Variants in ERC1 observed in about 807,000 individuals in gnomAD.
ERC1 encodes the protein ELKS/RAB6-interacting/CAST family member 1, also known as RAB6 interacting protein 2.
In ERC1, 56 loss-of-function variants were observed where a neutral mutation model predicts 132.0. That is an observed-to-expected ratio of 0.42 (90% CI 0.34 to 0.53). The LOEUF is 0.53. Among genes scored for constraint, ERC1 ranks in the 20% least tolerant of loss-of-function variants. ERC1 has a pLI of 0.03. For synonymous variants in ERC1, 478 were observed against 476.1 expected, an observed-to-expected ratio of 1.00 and a Z score of -0.05; for missense variants, 1,202 against 1,349.9, an observed-to-expected ratio of 0.89 and a Z score of 1.72.
chr12:1,484,028 G>A (rs1487267390), intron 18 of ERC1, among the ~76,000 whole-genome samples: 15 of 151,058 alleles, frequency 9.9e-5, no homozygotes, highest in African/African-American at 2.7e-4. Flanking sequence ...TGTTCCAGCC[G>A]GGCGTGGTGG....
chr12:1,118,380 T>TA (rs2154212856), intron 7 of ERC1, among the ~76,000 whole-genome samples: 1 of 152,354 alleles, frequency 6.6e-6, no homozygotes, highest in East Asian at 1.9e-4. Context: ...ATATTCTTAT[T>TA]AGCCAGGTCT....
At chr12:1,276,917 C>T (rs1475294733) in intron 14 of ERC1, among the ~76,000 whole-genome samples, 5 of 151,130 alleles carry the variant, frequency 3.3e-5, no homozygotes, top group Non-Finnish European at 3.0e-5. Context: ...GTTGCAATTG[C>T]GTTTCCACTG....
intron 7 of ERC1, among the ~76,000 whole-genome samples, chr12:1,137,173 G>T (rs1307868328): frequency 7.0e-6 from 1 of 142,480 alleles, no homozygotes; most frequent in Non-Finnish European, 1.5e-5. Flanking sequence ...ATCTCGGCTC[G>T]CTGCAACCTC....
At chr12:1,342,468 C>CAA (rs567114711) in intron 15 of ERC1, among the ~76,000 whole-genome samples, 29,321 of 112,906 alleles carry the variant, frequency 0.26, 3,447 homozygotes, top group Middle Eastern at 0.34. Flanking sequence ...AACTCTGTCT[C>CAA]AAAAAAAAAA....
At chr12:1,488,590 CTG>C (rs1439614073) in intron 18 of ERC1, among the ~76,000 whole-genome samples, 2 of 152,154 alleles carry the variant, frequency 1.3e-5, no homozygotes, top group Non-Finnish European at 2.9e-5. Context: ...GATGAGGAAA[CTG>C]AGACTCAGAC....
intron 15 of ERC1, among the ~76,000 whole-genome samples, chr12:1,291,219 T>G (rs1215290168): frequency 6.6e-6 from 1 of 152,222 alleles, no homozygotes; most frequent in South Asian, 2.1e-4. Flanking sequence ...GGCTACGAGA[T>G]TCTGTCCTTT....
intron 2 of ERC1, among the ~76,000 whole-genome samples, chr12:1,058,476 G>A (rs1973415463): frequency 6.6e-6 from 1 of 152,016 alleles, no homozygotes; most frequent in South Asian, 2.1e-4. Flanking sequence ...TATGGTTTTG[G>A]CTCTTTTGTT....
intron 14 of ERC1, among the ~76,000 whole-genome samples, chr12:1,280,439 A>T (rs1488868264): frequency 6.6e-6 from 1 of 152,226 alleles, no homozygotes; most frequent in African/African-American, 2.4e-5. Flanking sequence ...TAATAAATGA[A>T]TAAAGATGCA....
At chr12:1,109,510 A>G (rs1945622108) in intron 4 of ERC1, among the ~76,000 whole-genome samples, 1 of 152,200 alleles carries the variant, frequency 6.6e-6, no homozygotes, top group South Asian at 2.1e-4. Context: ...AAAATGATAA[A>G]ATACTAGAAC....
At position 1,284,894 on chromosome 12, in the gene ERC1, T is replaced by C. The variant is rs534652759; in HGVS notation, c.2620-4958T>C. Among the ~76,000 whole-genome samples the C allele has an allele frequency of 2.0e-5, 3 of 152,338 alleles. No individual in the cohort carries two copies. The South Asian group carries it at 6.2e-4, about 32-fold the overall frequency. On this transcript the variant is annotated intron_variant, in intron 14 of 18. Coordinates refer to ENST00000360905, the MANE Select transcript of ERC1 (RefSeq NM_178040.4). The stretch of plus-strand genomic sequence containing the variant: ...CAAACCCCTTCCTCCTGCCTTGGCC[T>C]CCTGGAATTACAGGCATGAGCCACC...
intron 2 of ERC1, among the ~76,000 whole-genome samples, chr12:1,056,084 TAA>T (rs60332254): frequency 0.015 from 2,116 of 145,392 alleles, 56 homozygotes; most frequent in African/African-American, 0.052. Flanking sequence ...TTTTTTTTTT[TAA>T]AAAAAAGGTG....
rs1959202339 is a variant in ERC1, at chr12:991,312, C to T, written c.-167C>T. 1 of 162,854 alleles carries T rather than the reference C, an allele frequency of 6.1e-6. No individual in the cohort carries two copies. The highest frequency in any genetic ancestry group is 1.3e-5 in the Non-Finnish European group (1 of 77,804). The allele number at this position is 162,854 out of a possible 1,614,324, so 10.1% of individuals were successfully genotyped here. The stretch of plus-strand genomic sequence containing the variant: ...GCGGCAGCAGCAGCAGTAGCGGCAG[C>T]CCTGAGGACGGTGAGACGGCCGCGG... On this transcript the variant is annotated 5_prime_UTR_variant, in exon 1 of 19. Coordinates refer to ENST00000360905, the MANE Select transcript of ERC1 (RefSeq NM_178040.4).
At chr12:1,178,325 A>C (rs545068563) in intron 8 of ERC1, among the ~76,000 whole-genome samples, 1 of 152,260 alleles carries the variant, frequency 6.6e-6, no homozygotes, top group African/African-American at 2.4e-5. Flanking sequence ...TGGAAGTCCA[A>C]ACTTATATTT....
rs768500465 is a variant in ERC1, at chr12:1,246,051, G to A, written c.2487+9147G>A. On this transcript the variant is annotated intron_variant, in intron 13 of 18. Coordinates refer to ENST00000360905, the MANE Select transcript of ERC1 (RefSeq NM_178040.4). ...CTCCCAGGGTGCTGGGATTATAGGCGTGAGCCACTGCACCAGGCCTCAAAG... is the reference window on the plus strand; with the variant it reads ...CTCCCAGGGTGCTGGGATTATAGGCATGAGCCACTGCACCAGGCCTCAAAG... Among the ~76,000 whole-genome samples the A allele has an allele frequency of 2.4e-4, 37 of 152,180 alleles. No homozygotes were observed. The East Asian group carries it at 4.4e-3, about 18-fold the overall frequency.
chr12:1,424,848 A>T (rs199948328), intron 17 of ERC1, among the ~76,000 whole-genome samples: 43 of 109,748 alleles, frequency 3.9e-4, no homozygotes, highest in African/African-American at 1.6e-3. Context: ...GATAGATGAT[A>T]GATAGATAGA....
chr12:1,385,575 G>A (rs1195691833), intron 16 of ERC1, among the ~76,000 whole-genome samples: 1 of 152,166 alleles, frequency 6.6e-6, no homozygotes, highest in Non-Finnish European at 1.5e-5. Flanking sequence ...GTGAGCCACC[G>A]CGCCCGGCCC....
intron 3 of ERC1, among the ~76,000 whole-genome samples, chr12:1,092,260 A>G (rs1943339814): frequency 1.3e-5 from 2 of 152,154 alleles, no homozygotes; most frequent in Non-Finnish European, 2.9e-5. Flanking sequence ...GCCTCCTAAT[A>G]TGCTGGGATT....
At chr12:1,315,915 G>A (rs183759646) in intron 15 of ERC1, among the ~76,000 whole-genome samples, 5 of 150,538 alleles carry the variant, frequency 3.3e-5, no homozygotes, top group African/African-American at 7.3e-5. Flanking sequence ...TTTTTGAGAC[G>A]GAGTCTCACT....
chr12:1,218,260 T>C (rs1322270116), intron 12 of ERC1, among the ~76,000 whole-genome samples: 1 of 152,222 alleles, frequency 6.6e-6, no homozygotes, highest in East Asian at 1.9e-4. Flanking sequence ...TCACCTCTGC[T>C]GCCTTTTCTG....
Sources: gnomAD v4.1 joint callset for allele counts (sites outside exome capture counted in the v4.1 genomes callset) on GRCh38, gnomAD v4.1.1 for gene constraint, MANE v1.5 for transcripts, NCBI Gene and HGNC (gene_info 2026-07-23, HGNC 2026-07-21) for gene names.